The following VSIG1 variants were observed in gnomAD, a reference collection of about 807,000 sequenced individuals.
VSIG1 encodes the protein V-set and immunoglobulin domain containing 1, also known as V-set and immunoglobulin domain-containing protein 1.
VSIG1 carries 11 observed loss-of-function variants against 20.1 expected under a neutral mutation model. That is an observed-to-expected ratio of 0.55 (90% CI 0.34 to 0.91). The LOEUF is 0.91. Ranked by LOEUF, VSIG1 falls within the 40% of genes least tolerant of loss-of-function variation. VSIG1 has a pLI of 0.02. For synonymous variants in VSIG1, 126 were observed against 116.7 expected, an observed-to-expected ratio of 1.08 and a Z score of -0.52; for missense variants, 283 against 298.8, an observed-to-expected ratio of 0.95 and a Z score of 0.39.
Position 108,076,143 on chromosome X carries a change from C to T in VSIG1, c.755C>T (p.Ser252Phe). 1 of 1,211,391 alleles carries T rather than the reference C, an allele frequency of 8.3e-7. No homozygotes were observed. The highest frequency in any genetic ancestry group is 1.1e-6 in the Non-Finnish European group (1 of 895,212). The change falls in exon 6 of 7, where the codon TCT becomes TTT. Residue 252 changes from serine (S) to phenylalanine (F), a missense_variant. By Grantham distance (155) the Ser-to-Phe change is radical. Transcript: ENST00000217957. The part of the protein sequence containing the change: ...GSLVGAAIII[S>F]VVCFARNKAK... The stretch of plus-strand genomic sequence containing the variant: ...CTGGTAGGTGCCGCCATCATCATCT[C>T]TGTTGTGTGCTTCGCAAGGAATAAG...
At chrX:108,022,204 T>C in the VSIG1 span, among the ~76,000 whole-genome samples, 1 of 112,182 alleles carries the variant, frequency 8.9e-6, no homozygotes, top group Non-Finnish European at 1.9e-5. Context: ...TCCATTTATT[T>C]AGGTTTTAAA....
At chrX:108,037,429 C>T in the VSIG1 span, among the ~76,000 whole-genome samples, 1 of 111,737 alleles carries the variant, frequency 8.9e-6, no homozygotes, top group Non-Finnish European at 1.9e-5. Context: ...AAACCCCAGA[C>T]TGCCTTCTAA....
intron 1 of VSIG1, among the ~76,000 whole-genome samples, chrX:108,047,750 C>A (rs2030611292): frequency 1.1e-5 from 1 of 87,438 alleles, no homozygotes; most frequent in East Asian, 3.6e-4. Flanking sequence ...CAATCACCAC[C>A]AAAATACAAG....
intron 1 of VSIG1, among the ~76,000 whole-genome samples, chrX:108,047,742 A>C (rs1033342330): frequency 7.1e-4 from 64 of 89,748 alleles, no homozygotes; most frequent in Non-Finnish European, 1.2e-3. Flanking sequence ...TGAATGAACA[A>C]TCACCACCAA....
chrX:108,019,829 T>C, the VSIG1 span, among the ~76,000 whole-genome samples: 4 of 111,572 alleles, frequency 3.6e-5, no homozygotes, highest in Admixed American at 3.8e-4. Flanking sequence ...TCCAGGGAAC[T>C]TTCTATGTTA....
chrX:108,038,850 T>A, the VSIG1 span, among the ~76,000 whole-genome samples: 2 of 112,065 alleles, frequency 1.8e-5, no homozygotes, highest in Non-Finnish European at 3.8e-5. Flanking sequence ...TTTATTTTTT[T>A]AAATTTTAAT....
intron 1 of VSIG1, among the ~76,000 whole-genome samples, chrX:108,052,237 C>A (rs952456768): frequency 9.0e-6 from 1 of 110,758 alleles, no homozygotes; most frequent in East Asian, 2.8e-4. Flanking sequence ...ATCACCTGTT[C>A]CCCAAAAAAG....
chrX:108,044,881 C>T (rs979105302), upstream of VSIG1: 6 of 270,092 alleles, frequency 2.2e-5, no homozygotes, highest in Admixed American at 3.2e-4. Context: ...AATTTAAATG[C>T]GTGGGTTTAT....
the VSIG1 span, among the ~76,000 whole-genome samples, chrX:108,027,900 T>C: frequency 9.0e-6 from 1 of 111,042 alleles, no homozygotes; most frequent in Non-Finnish European, 1.9e-5. Context: ...TGGAGCAATA[T>C]TGTAATACCC....
intron 3 of VSIG1, among the ~76,000 whole-genome samples, chrX:108,067,856 T>C (rs1426211999): frequency 1.8e-5 from 2 of 111,996 alleles, no homozygotes; most frequent in African/African-American, 6.5e-5. Context: ...TAAACTTCCA[T>C]CTGCAGGCTG....
chrX:108,062,722 TA>T (rs1416817109), intron 2 of VSIG1, among the ~76,000 whole-genome samples: 1 of 111,440 alleles, frequency 9.0e-6, no homozygotes, highest in Non-Finnish European at 1.9e-5. Context: ...ACAGTCCAAA[TA>T]AAATTCTGAG....
intron 2 of VSIG1, among the ~76,000 whole-genome samples, chrX:108,060,680 C>T (rs1469424337): frequency 1.8e-5 from 2 of 111,582 alleles, no homozygotes; most frequent in Non-Finnish European, 3.8e-5. Context: ...TTATTGACTG[C>T]GTGATCTTAG....
chrX:108,023,150 C>T, the VSIG1 span, among the ~76,000 whole-genome samples: 1 of 112,192 alleles, frequency 8.9e-6, no homozygotes, highest in Admixed American at 9.4e-5. Context: ...CCTTCTATTC[C>T]TAGTTTTTCA....
intron 2 of VSIG1, among the ~76,000 whole-genome samples, chrX:108,065,710 T>C (rs986254809): frequency 1.8e-5 from 2 of 112,007 alleles, no homozygotes; most frequent in South Asian, 3.7e-4. Context: ...TCTACCTTAA[T>C]CTACCCTATG....
chrX:108,044,324 C>T (rs150728871), upstream of VSIG1, among the ~76,000 whole-genome samples: 87 of 111,653 alleles, frequency 7.8e-4, 3 homozygotes, highest in East Asian at 0.023. Context: ...GCCTCCCATG[C>T]CCTCCTGGTG....
intron 2 of VSIG1, among the ~76,000 whole-genome samples, chrX:108,065,461 G>A (rs2031109065): frequency 9.0e-6 from 1 of 111,724 alleles, no homozygotes; most frequent in African/African-American, 3.3e-5. Context: ...AGACAATACA[G>A]TTTATTGAAC....
In VSIG1 at chrX:108,077,149, G is replaced by A; in HGVS notation, c.932G>A (p.Gly311Asp). ...CTACCATCTTCCATTCATGAGACTG[G>A]CCCTGATACCATCCAAGAACCAGAC... ...VTLPSSIHETGPDTIQEPDYE... is the reference protein window; with the variant it reads ...VTLPSSIHETDPDTIQEPDYE... Residue 311 changes from glycine (G) to aspartate (D), a missense_variant, in exon 7 of 7, where the codon GGC (glycine) becomes GAC (aspartate). Physicochemically the swap from Gly to Asp is moderately conservative, Grantham distance 94. Coordinates refer to ENST00000217957, the MANE Select transcript of VSIG1 (RefSeq NM_182607.5). The A allele has an allele frequency of 8.3e-7, 1 of 1,211,883 alleles. No individual in the cohort carries two copies. The highest frequency in any genetic ancestry group is 3.0e-5 in the East Asian group (1 of 33,840).
the VSIG1 span, among the ~76,000 whole-genome samples, chrX:108,037,495 A>G: frequency 8.9e-6 from 1 of 111,808 alleles, no homozygotes; most frequent in Non-Finnish European, 1.9e-5. Context: ...ATTACACCTC[A>G]TTTATTGACT....
chrX:108,077,331 G>A lies in VSIG1; in HGVS notation c.1114G>A (p.Val372Ile). ...GCCAGAGCCAGAGTCAGAGCCTGGG[G>A]TTGTAGTTGAGCCCTTAAGTGAAGA... is the stretch of plus-strand genomic sequence containing the variant. Reference protein sequence around the residue: ...PEPEPESEPGVVVEPLSEDEK... With the variant: ...PEPEPESEPGIVVEPLSEDEK... The change falls in exon 7 of 7, where the codon GTT becomes ATT. Residue 372 changes from valine to isoleucine, a missense_variant. Physicochemically the swap from Val to Ile is conservative, Grantham distance 29. Coordinates refer to ENST00000217957, the MANE Select transcript of VSIG1 (RefSeq NM_182607.5). 2 of 1,212,180 alleles carry A rather than the reference G, an allele frequency of 1.6e-6. No individual in the cohort carries two copies. Among genetic ancestry groups the A allele is most frequent in the Non-Finnish European group, 2.2e-6 (2 of 895,651 alleles).
Sources: gnomAD v4.1 joint callset for allele counts (sites outside exome capture counted in the v4.1 genomes callset) on GRCh38, gnomAD v4.1.1 for gene constraint, MANE v1.5 for transcripts, NCBI Gene and HGNC (gene_info 2026-07-23, HGNC 2026-07-21) for gene names.